Variants in KLKB1 observed in about 807,000 individuals in gnomAD.
KLKB1 encodes the protein kallikrein B1.
KLKB1 carries 58 observed loss-of-function variants against 73.6 expected under a neutral mutation model. That is an observed-to-expected ratio of 0.79 (90% CI 0.64 to 0.98). KLKB1 has a LOEUF of 0.98. Among genes scored for constraint, KLKB1 ranks in the 50% least tolerant of loss-of-function variants. The pLI is 0.00. For missense variants in KLKB1, 737 were observed against 763.8 expected (o/e 0.96, Z 0.41); for synonymous variants, 280 against 258.1 (o/e 1.08, Z -0.81).
At chr4:186,211,040 T>C (rs1425199790) in intron 2 of KLKB1, 2 of 212,710 alleles carry the variant, frequency 9.4e-6, no homozygotes, top group Non-Finnish European at 1.9e-5. Flanking sequence ...GGTGTCACCA[T>C]GTTGGCCAGA....
At chr4:186,238,187 CTG>C in intron 5 of KLKB1, 67 bp from the exon 6 acceptor site, 1 of 970,354 alleles carries the variant, frequency 1.0e-6, no homozygotes, top group Non-Finnish European at 1.7e-6. Context: ...TTAATACTAA[CTG>C]TTACCTGCAC....
chr4:186,224,963 T>C (rs1300270363), upstream of KLKB1, among the ~76,000 whole-genome samples: 1 of 152,156 alleles, frequency 6.6e-6, no homozygotes. Flanking sequence ...GATCTCATGA[T>C]AGTGAGGGAT....
At chr4:186,232,806 C>T (rs1187720436) in intron 3 of KLKB1, among the ~76,000 whole-genome samples, 1 of 152,068 alleles carries the variant, frequency 6.6e-6, no homozygotes, top group Non-Finnish European at 1.5e-5. Context: ...CCAGTTTGGG[C>T]ACCTGTGGCA....
At position 186,236,956 on chromosome 4, in the gene KLKB1, G is replaced by T. The variant is rs779529916; in HGVS notation, c.488+16G>T. 3.1e-6 allele frequency: 5 copies of T among 1,613,612 alleles called. No homozygotes were observed. The East Asian group carries it at 1.1e-4, about 36-fold the overall frequency. On this transcript the variant is annotated intron_variant, in intron 5 of 14. Transcript: ENST00000264690. ...CAGAGTACCGGTGAGTACAATTCAA[G>T]GTGTGTGTTCTTTGTATTGGTGCCT...
chr4:186,244,388 C>G (rs866188785), intron 6 of KLKB1, among the ~76,000 whole-genome samples: 3 of 152,208 alleles, frequency 2.0e-5, no homozygotes, highest in South Asian at 2.1e-4. Context: ...AGGGAGAGCA[C>G]ATGTGTTTTC....
chr4:186,217,857 G>C (rs1363008656), intron 2 of KLKB1, among the ~76,000 whole-genome samples: 1 of 152,202 alleles, frequency 6.6e-6, no homozygotes, highest in Non-Finnish European at 1.5e-5. Flanking sequence ...AGTTGGAGCA[G>C]GCTGCTTAGG....
chr4:186,246,761 G>T (rs1202433137), intron 6 of KLKB1, among the ~76,000 whole-genome samples: 1 of 152,122 alleles, frequency 6.6e-6, no homozygotes, highest in East Asian at 1.9e-4. Flanking sequence ...AGTGGTTCTT[G>T]CCACTAAGGG....
chr4:186,234,140 A>G, intron 4 of KLKB1, 82 bp downstream of exon 4: 1 of 1,056,794 alleles, frequency 9.5e-7, no homozygotes, highest in Admixed American at 1.7e-5. Context: ...TTGTACTGCT[A>G]CAGCTTTTTG....
rs1210682323 is a variant in KLKB1 at position 186,258,014 on chromosome 4, G to A, written c.1726-7G>A. On this transcript the variant is annotated splice_polypyrimidine_tract_variant and splice_region_variant and intron_variant, in intron 14 of 14. Transcript: ENST00000264690. ...TTCTACTATTTTATTTTTCCACTGTGACTCAGGGAGATTCAGGTGGTCCCT... is the reference window on the plus strand; with the variant it reads ...TTCTACTATTTTATTTTTCCACTGTAACTCAGGGAGATTCAGGTGGTCCCT... The A allele has an allele frequency of 6.2e-7, 1 of 1,613,452 alleles. No individual in the cohort carries two copies. Among genetic ancestry groups the A allele is most frequent in the South Asian group, 1.1e-5 (1 of 91,016 alleles).
At chr4:186,214,819 C>T (rs1736840782) in intron 2 of KLKB1, among the ~76,000 whole-genome samples, 2 of 152,312 alleles carry the variant, frequency 1.3e-5, no homozygotes, top group East Asian at 3.9e-4. Flanking sequence ...AGAAGTTCAC[C>T]AAATGGTTAT....
intron 4 of KLKB1, among the ~76,000 whole-genome samples, chr4:186,236,202 A>G (rs1452770986): frequency 2.0e-5 from 3 of 152,168 alleles, no homozygotes; most frequent in African/African-American, 7.2e-5. Context: ...ACAAATCTCA[A>G]TGAAAAGGGT....
intron 4 of KLKB1, among the ~76,000 whole-genome samples, chr4:186,236,338 GA>G (rs1184198213): frequency 2.0e-5 from 3 of 152,142 alleles, no homozygotes; most frequent in Non-Finnish European, 4.4e-5. Flanking sequence ...AGGAGAAGTC[GA>G]AAGCAAAGAA....
At chr4:186,226,912 T>C (rs893045326), upstream of KLKB1, among the ~76,000 whole-genome samples, 1 of 152,108 alleles carries the variant, frequency 6.6e-6, no homozygotes, top group African/African-American at 2.4e-5. Flanking sequence ...GCCTGAAGTC[T>C]AGGTTTTGTG....
At position 186,236,938 on chromosome 4, in the gene KLKB1, C is replaced by A. The variant is rs1465562254; in HGVS notation, c.486C>A (p.Tyr162Ter). 6.2e-7 allele frequency: 1 copy of A among 1,614,012 alleles called. No individual in the cohort carries two copies. The highest frequency in any genetic ancestry group is 1.1e-5 in the South Asian group (1 of 91,082). ...CGCAAACATTTCACAAGGCAGAGTA[C>A]CGGTGAGTACAATTCAAGGTGTGTG... ...YATQTFHKAE[Y>*]RNNCLLKYSP... The change falls in exon 5 of 15, where the codon TAC becomes TAA. Residue 162 changes from tyrosine to a stop codon, truncating the protein, a stop_gained and splice_region_variant. Transcript: ENST00000264690. LOFTEE classifies it high-confidence loss of function.
intron 12 of KLKB1, 57 bp from the exon 13 acceptor site, chr4:186,255,935 A>T: frequency 3.8e-6 from 4 of 1,045,982 alleles, no homozygotes; most frequent in Non-Finnish European, 6.0e-6. Context: ...ATGTATTTTT[A>T]AAGTCTATAT....
chr4:186,214,336 G>T (rs1736827884), intron 2 of KLKB1, among the ~76,000 whole-genome samples: 1 of 152,168 alleles, frequency 6.6e-6, no homozygotes, highest in African/African-American at 2.4e-5. Context: ...CCAGTATATT[G>T]CCGTTTGCTT....
intron 6 of KLKB1, among the ~76,000 whole-genome samples, chr4:186,246,996 G>A (rs563054105): frequency 2.2e-4 from 33 of 152,242 alleles, no homozygotes; most frequent in East Asian, 5.8e-4. Flanking sequence ...GAAGGATGGC[G>A]CCAAGATTGA....
chr4:186,258,107 C>G lies in KLKB1; in HGVS notation c.1812C>G (p.Arg604=). 1.9e-6 allele frequency: 3 copies of G among 1,614,098 alleles called. No homozygotes were observed. The highest frequency in any genetic ancestry group is 2.5e-6 in the Non-Finnish European group (3 of 1,179,972). ...GITSWGEGCA[R]REQPGVYTKV... ...CCAGCTGGGGTGAAGGCTGTGCCCG[C>G]AGGGAGCAACCTGGTGTCTACACCA... The change falls in exon 15 of 15, where the codon CGC becomes CGG. Residue 604 remains arginine (R), a synonymous_variant. Transcript: ENST00000264690.
rs142771228 is a variant in KLKB1, at chr4:186,250,274, G to A, written c.630G>A (p.Ala210=). 22 of 1,613,998 alleles carry A rather than the reference G, an allele frequency of 1.4e-5. No homozygotes were observed. Among genetic ancestry groups the A allele is most frequent in the South Asian group, 6.6e-5 (6 of 91,086 alleles). Residue 210 remains alanine (A), a synonymous_variant, in exon 7 of 15, where the codon GCG becomes GCA. Transcript: ENST00000264690. The part of the protein sequence containing the change: ...GCHMNIFQHL[A]FSDVDVARVL... The stretch of plus-strand genomic sequence containing the variant: ...ACATGAACATCTTCCAGCATCTTGC[G>A]TTCTCAGATGTGGATGTTGCCAGGG...
Sources: allele counts gnomAD v4.1 joint callset (sites outside exome capture counted in the v4.1 genomes callset), GRCh38; gene constraint gnomAD v4.1.1; transcripts MANE v1.5; gene names NCBI Gene and HGNC (gene_info 2026-07-23, HGNC 2026-07-21).